The following GLI3 variants were observed in gnomAD, a reference collection of about 807,000 sequenced individuals.
GLI3 encodes the protein GLI family zinc finger 3, also known as transcription activator GLI3.
GLI3 carries 20 observed loss-of-function variants against 100.8 expected under a neutral mutation model. The observed-to-expected ratio is 0.20, with a 90% CI of 0.14 to 0.29. The LOEUF (loss-of-function observed/expected upper bound fraction) is 0.29, where lower values mean the gene tolerates loss of function less well. Among genes scored for constraint, GLI3 ranks in the 10% least tolerant of loss-of-function variants. The probability of loss-of-function intolerance (pLI) is 1.00; values close to 1 mark genes in which losing one functional copy is unlikely to be tolerated. For missense variants in GLI3, 2,040 were observed against 2,128.5 expected, an observed-to-expected ratio of 0.96 and a Z score of 0.82; for synonymous variants, 938 against 860.5, an observed-to-expected ratio of 1.09 and a Z score of -1.58.
intron 3 of GLI3, chr7:42,145,691 T>A (rs1041486381): frequency 2.5e-5 from 10 of 395,400 alleles, no homozygotes; most frequent in African/African-American, 1.9e-4. Flanking sequence ...ACTTAGAGAG[T>A]CAACTTATCA....
At chr7:42,236,447 C>A (rs1788795341) in intron 1 of GLI3, among the ~76,000 whole-genome samples, 1 of 152,336 alleles carries the variant, frequency 6.6e-6, no homozygotes, top group East Asian at 1.9e-4. Flanking sequence ...ACCACACCCC[C>A]GCCCTCCGAA....
At chr7:42,241,477 A>G (rs139709807), upstream of GLI3, among the ~76,000 whole-genome samples, 785 of 152,288 alleles carry the variant, frequency 5.2e-3, 4 homozygotes, top group African/African-American at 0.017. Context: ...CCCTGGCCAC[A>G]TGAATCTCTC....
At chr7:42,022,583 T>G (rs1012824379) in intron 10 of GLI3, among the ~76,000 whole-genome samples, 18 of 152,190 alleles carry the variant, frequency 1.2e-4, no homozygotes, top group South Asian at 6.2e-4. Flanking sequence ...ACTGCCACAC[T>G]TAATGCCTCA....
At chr7:41,993,672 G>T (rs767791427) in intron 10 of GLI3, among the ~76,000 whole-genome samples, 4 of 152,178 alleles carry the variant, frequency 2.6e-5, no homozygotes, top group Non-Finnish European at 4.4e-5. Context: ...GTAAATACTT[G>T]CTGGAGGAAT....
chr7:42,208,837 ATCT>A (rs1788207552), intron 2 of GLI3, among the ~76,000 whole-genome samples: 1 of 152,160 alleles, frequency 6.6e-6, no homozygotes, highest in Non-Finnish European at 1.5e-5. Flanking sequence ...TGCCACACAC[ATCT>A]TCTTCCAGGA....
chr7:42,176,091 G>T lies in GLI3; in HGVS notation c.125-27623C>A, dbSNP rs1317322575. Reference sequence around the variant, plus strand: ...ACAGACAGAATGATAAAGGAGGATTGTCACACAAGTCAGGCATGGTGACCG... The same window carrying T: ...ACAGACAGAATGATAAAGGAGGATTTTCACACAAGTCAGGCATGGTGACCG... On this transcript the variant is annotated intron_variant, in intron 2 of 14. Coordinates refer to ENST00000395925, the MANE Select transcript of GLI3 (RefSeq NM_000168.6). Among the ~76,000 whole-genome samples the T allele has an allele frequency of 2.0e-5, 3 of 152,144 alleles. No homozygotes were observed. The East Asian group carries it at 5.8e-4, about 29-fold the overall frequency.
intron 8 of GLI3, among the ~76,000 whole-genome samples, chr7:42,025,671 T>C (rs1467384709): frequency 6.6e-6 from 1 of 152,222 alleles, no homozygotes; most frequent in Non-Finnish European, 1.5e-5. Flanking sequence ...CAACAGGGTA[T>C]TTCAAAAGAA....
At chr7:42,000,702 T>C (rs1039145816) in intron 10 of GLI3, among the ~76,000 whole-genome samples, 1 of 151,874 alleles carries the variant, frequency 6.6e-6, no homozygotes, top group Non-Finnish European at 1.5e-5. Flanking sequence ...CTGAGGGGGA[T>C]AGGAAGCAGT....
intron 4 of GLI3, among the ~76,000 whole-genome samples, chr7:42,057,615 C>T (rs4724091): frequency 0.49 from 74,318 of 152,008 alleles, 18,545 homozygotes; most frequent in East Asian, 0.54. Flanking sequence ...TACAATGAAA[C>T]AGTAAACAGC....
At chr7:42,170,107 C>T (rs1787334307) in intron 2 of GLI3, among the ~76,000 whole-genome samples, 1 of 151,302 alleles carries the variant, frequency 6.6e-6, no homozygotes, top group South Asian at 2.1e-4. Context: ...AAAAAATTAG[C>T]TGGGCGTGCT....
chr7:42,075,418 G>A (rs1000595371), intron 4 of GLI3, among the ~76,000 whole-genome samples: 1 of 151,834 alleles, frequency 6.6e-6, no homozygotes, highest in South Asian at 2.1e-4. Flanking sequence ...GACCCATGTG[G>A]TCACATCTGT....
At chr7:42,178,923 CA>C (rs1278419340) in intron 2 of GLI3, among the ~76,000 whole-genome samples, 1 of 151,994 alleles carries the variant, frequency 6.6e-6, no homozygotes, top group African/African-American at 2.4e-5. Flanking sequence ...AGAACAGACA[CA>C]GGGGAAGAGG....
intron 10 of GLI3, among the ~76,000 whole-genome samples, chr7:42,006,699 A>C (rs1788468907): frequency 6.6e-6 from 1 of 152,130 alleles, no homozygotes; most frequent in Non-Finnish European, 1.5e-5. Flanking sequence ...ATTCCAGGGA[A>C]ACATGGATAA....
At chr7:42,076,073 T>G (rs1463503158) in intron 4 of GLI3, among the ~76,000 whole-genome samples, 1 of 152,234 alleles carries the variant, frequency 6.6e-6, no homozygotes, top group African/African-American at 2.4e-5. Context: ...ATTATTATGG[T>G]ACATGACAGT....
chr7:42,068,615 C>T (rs140797609), intron 4 of GLI3, among the ~76,000 whole-genome samples: 15 of 152,170 alleles, frequency 9.9e-5, no homozygotes, highest in Non-Finnish European at 1.3e-4. Flanking sequence ...TGTGATTTTC[C>T]CCGGGGCAGG....
At position 42,182,692 on chromosome 7, in the gene GLI3, G is replaced by GTATATATATA. The variant is rs200753197; in HGVS notation, c.125-34234_125-34225dup. Among the ~76,000 whole-genome samples the GTATATATATA allele has an allele frequency of 8.9e-4, 83 of 93,208 alleles. 3 individuals carry two copies. Among genetic ancestry groups the GTATATATATA allele is most frequent in the African/African-American group, 4.3e-3 (81 of 18,854 alleles). 61.1% of individuals were successfully genotyped at this position (93,208 alleles called of 152,430 possible). On this transcript the variant is annotated intron_variant, in intron 2 of 14. Coordinates refer to ENST00000395925, the MANE Select transcript of GLI3 (RefSeq NM_000168.6). ...TATATATATATATATACACATGTGT[G>GTATATATATA]TATATATATATACACACATATAAAT...
intron 3 of GLI3, among the ~76,000 whole-genome samples, chr7:42,119,468 T>C (rs1009243638): frequency 9.9e-5 from 15 of 152,276 alleles, no homozygotes; most frequent in Admixed American, 7.2e-4. Flanking sequence ...CCAGCTGTAA[T>C]GTACACTCTC....
chr7:42,045,899 T>C (rs920155174), intron 5 of GLI3, among the ~76,000 whole-genome samples: 1 of 152,218 alleles, frequency 6.6e-6, no homozygotes. Flanking sequence ...AGTAGACAAC[T>C]TAGAAGACTA....
At chr7:42,237,759 A>T (rs1278099054), upstream of GLI3, 1 of 152,054 alleles carries the variant, frequency 6.6e-6, no homozygotes, top group African/African-American at 2.4e-5. Flanking sequence ...GAAGTTGGGA[A>T]AACTTGGAGT....
Sources: gnomAD v4.1 joint callset for allele counts (sites outside exome capture counted in the v4.1 genomes callset) on GRCh38, gnomAD v4.1.1 for gene constraint, MANE v1.5 for transcripts, NCBI Gene and HGNC (gene_info 2026-07-23, HGNC 2026-07-21) for gene names.